The following SRGAP2C variants were observed in gnomAD, a reference collection of about 807,000 sequenced individuals.
SRGAP2C encodes the protein SLIT-ROBO Rho GTPase-activating protein 2C.
SRGAP2C carries 15 observed loss-of-function variants against 25.1 expected under a neutral mutation model. The observed-to-expected ratio is 0.60, with a 90% confidence interval of 0.40 to 0.92. SRGAP2C has a LOEUF of 0.92. Ranked by LOEUF, SRGAP2C falls within the 40% of genes least tolerant of loss-of-function variation. The pLI, the probability that SRGAP2C is intolerant of heterozygous loss-of-function variation, is 0.00. For synonymous variants in SRGAP2C, 44 were observed against 96.6 expected (o/e 0.46, Z 3.19); for missense variants, 144 against 264.4 (o/e 0.54, Z 3.16).
chr1:121,208,128 A>G (rs1341771830), intron 2 of SRGAP2C, among the ~76,000 whole-genome samples: 1 of 152,222 alleles, frequency 6.6e-6, no homozygotes, highest in Non-Finnish European at 1.5e-5. Context: ...AGCTTTGCAA[A>G]TTACATAACC....
Position 121,264,850 on chromosome 1 carries a change from A to C in SRGAP2C, c.68-19953A>C, listed in dbSNP as rs1361694529. On this transcript the variant is annotated intron_variant, in intron 2 of 9. Coordinates refer to ENST00000367123, the MANE Select transcript of SRGAP2C (RefSeq NM_001329984.2). ...CCAAGAAGCTGGTTTAAATTACTGG[A>C]GTCTGACTAAAAAGACTTTTATATT... Among the ~76,000 whole-genome samples the C allele has an allele frequency of 5.4e-5, 6 of 110,562 alleles. 1 individual carries two copies. The highest frequency in any genetic ancestry group is 3.9e-4 in the Admixed American group (4 of 10,204). The allele number at this position is 110,562 out of a possible 152,430, so 72.5% of individuals were successfully genotyped here. A position where few individuals can be genotyped will look rare whatever the true frequency, so the allele number is the denominator to read the frequency against.
At chr1:121,222,675 G>C (rs1553325875) in intron 2 of SRGAP2C, among the ~76,000 whole-genome samples, 2 of 152,192 alleles carry the variant, frequency 1.3e-5, no homozygotes, top group Non-Finnish European at 2.9e-5. Context: ...AAATGGGTTT[G>C]AGAGAGAAGA....
At chr1:121,191,359 AT>A (rs1654670557) in intron 2 of SRGAP2C, among the ~76,000 whole-genome samples, 1 of 151,870 alleles carries the variant, frequency 6.6e-6, no homozygotes, top group African/African-American at 2.4e-5. Flanking sequence ...TGTAAATGCT[AT>A]GTAAATAGTT....
chr1:121,313,534 A>G (rs1570776918), intron 3 of SRGAP2C, among the ~76,000 whole-genome samples: 1 of 134,320 alleles, frequency 7.4e-6, no homozygotes, highest in East Asian at 2.2e-4. Flanking sequence ...TGGTCTTTAC[A>G]TTTTGGCATG....
At chr1:121,206,462 C>T (rs1471913392) in intron 2 of SRGAP2C, among the ~76,000 whole-genome samples, 16 of 152,152 alleles carry the variant, frequency 1.1e-4, no homozygotes, top group Admixed American at 7.2e-4. Flanking sequence ...ACTGGGGCAA[C>T]AAAGATCAGT....
intron 3 of SRGAP2C, among the ~76,000 whole-genome samples, chr1:121,319,629 C>A (rs1658158422): frequency 1.3e-5 from 2 of 151,046 alleles, no homozygotes; most frequent in African/African-American, 4.9e-5. Context: ...GCTAATGATT[C>A]AGCTATGCAG....
At chr1:121,309,078 TA>T (rs1657916470) in intron 3 of SRGAP2C, among the ~76,000 whole-genome samples, 3 of 132,696 alleles carry the variant, frequency 2.3e-5, no homozygotes, top group African/African-American at 8.5e-5. Context: ...GTTTTGTGGG[TA>T]TGAATTCATT....
chr1:121,355,227 G>A (rs1336058967), intron 4 of SRGAP2C, among the ~76,000 whole-genome samples: 1 of 141,364 alleles, frequency 7.1e-6, no homozygotes, highest in African/African-American at 2.6e-5. Context: ...GACCAAAAAA[G>A]TCAGTAAAAA....
intron 4 of SRGAP2C, among the ~76,000 whole-genome samples, chr1:121,354,333 TTC>T (rs71274573): frequency 1.1e-4 from 4 of 37,842 alleles, no homozygotes; most frequent in Non-Finnish European, 1.5e-4. Context: ...TTTCTTTTCT[TTC>T]TCTCTCTCTC....
intron 3 of SRGAP2C, among the ~76,000 whole-genome samples, chr1:121,290,769 ACTGCACCG>A (rs1657475703): frequency 2.7e-5 from 1 of 37,246 alleles, no homozygotes; most frequent in Admixed American, 3.0e-4. Context: ...GTGAGCTATG[ACTGCACCG>A]CTGCACACCA....
intron 4 of SRGAP2C, among the ~76,000 whole-genome samples, chr1:121,354,481 T>A (rs1659015529): frequency 1.5e-5 from 2 of 133,258 alleles, no homozygotes; most frequent in Middle Eastern, 7.8e-3. Context: ...CACTGCAACC[T>A]CTGCCTCCTG....
intron 5 of SRGAP2C, among the ~76,000 whole-genome samples, chr1:121,367,249 A>G (rs1290926258): frequency 3.3e-5 from 5 of 151,488 alleles, no homozygotes; most frequent in African/African-American, 1.2e-4. Context: ...CTAGTAGGCA[A>G]TGGAAAGAGG....
At chr1:121,199,611 T>C (rs1187659792) in intron 2 of SRGAP2C, among the ~76,000 whole-genome samples, 3 of 79,598 alleles carry the variant, frequency 3.8e-5, no homozygotes, top group African/African-American at 1.8e-4. Context: ...GCCAACATGG[T>C]GAAACCCCGT....
intron 3 of SRGAP2C, chr1:121,315,194 C>T (rs1444462045): frequency 1.4e-4 from 57 of 404,480 alleles, no homozygotes; most frequent in Middle Eastern, 1.4e-3. Context: ...CCAGGCTGGT[C>T]ATTTACAGGC....
At chr1:121,339,337 C>T (rs1553342829) in intron 4 of SRGAP2C, among the ~76,000 whole-genome samples, 11 of 150,526 alleles carry the variant, frequency 7.3e-5, no homozygotes, top group Admixed American at 2.6e-4. Context: ...CTGCAACCTC[C>T]GCCTCCCGGG....
rs1256176458 is a variant in SRGAP2C at position 121,282,346 on chromosome 1, CCTCT to C, written c.68-2454_68-2451del. 8.0e-4 allele frequency among the ~76,000 whole-genome samples: 116 copies of C among 145,092 alleles called. 1 individual carries two copies. In the Middle Eastern group the frequency reaches 0.021, roughly 26 times the overall value. ...GGAACTTCATGGGACTTTGCCTTGT[CCTCT>C]CTTTTTTTGGCAGAGGGTGGGTGTC... On this transcript the variant is annotated intron_variant, in intron 2 of 9. Coordinates refer to ENST00000367123, the MANE Select transcript of SRGAP2C (RefSeq NM_001329984.2).
intron 2 of SRGAP2C, among the ~76,000 whole-genome samples, chr1:121,211,427 A>G (rs1558082087): frequency 8.3e-6 from 1 of 120,320 alleles, no homozygotes; most frequent in South Asian, 2.5e-4. Context: ...ACACACACAC[A>G]CACACACACA....
intron 2 of SRGAP2C, among the ~76,000 whole-genome samples, chr1:121,222,511 C>T (rs1371638039): frequency 1.3e-5 from 2 of 151,998 alleles, no homozygotes; most frequent in Admixed American, 6.6e-5. Context: ...CAACTGTGGT[C>T]GCAGGTACTT....
intron 2 of SRGAP2C, among the ~76,000 whole-genome samples, chr1:121,236,284 ATG>A (rs1265491581): frequency 6.6e-6 from 1 of 151,802 alleles, no homozygotes; most frequent in Non-Finnish European, 1.5e-5. Context: ...GAAAACCACC[ATG>A]TAGTTCTGCC....
Sources: gnomAD v4.1 joint callset for allele counts (sites outside exome capture counted in the v4.1 genomes callset) on GRCh38, gnomAD v4.1.1 for gene constraint, MANE v1.5 for transcripts, NCBI Gene and HGNC (gene_info 2026-07-23, HGNC 2026-07-21) for gene names.